Variants in CFLAR observed in about 807,000 individuals in gnomAD.
CFLAR encodes CASP8 and FADD-like apoptosis regulator.
A neutral mutation model predicts 51.1 loss-of-function variants in CFLAR; 14 were observed. The ratio of observed to expected loss-of-function variants is 0.27; its 90% CI spans 0.18 to 0.43. The LOEUF (loss-of-function observed/expected upper bound fraction) is 0.43, where lower values mean the gene tolerates loss of function less well. CFLAR is among the 20% of genes least tolerant of loss of function. The pLI, the probability that CFLAR is intolerant of heterozygous loss-of-function variation, is 1.00. For missense variants in CFLAR, 390 were observed against 566.5 expected (o/e 0.69, Z 3.16); for synonymous variants, 210 against 211.6 (o/e 0.99, Z 0.06).
At chr2:201,141,646 G>A in intron 5 of CFLAR, 1 of 1,269,782 alleles carries the variant, frequency 7.9e-7, no homozygotes, top group Non-Finnish European at 1.0e-6. Flanking sequence ...TTCAGCAAAA[G>A]TTATTTTGTT....
Position 201,164,013 on chromosome 2 carries a change from C to T in CFLAR, c.*40C>T. On this transcript the variant is annotated 3_prime_UTR_variant, in exon 10 of 10. Coordinates refer to ENST00000309955, the MANE Select transcript of CFLAR (RefSeq NM_003879.7). ...GGGCGTAGTGGCTCACACCTGTAAT[C>T]CCAGCACTTTGGGAGGCCAAGGAGG... The T allele has an allele frequency of 5.1e-6, 8 of 1,570,348 alleles. No individual in the cohort carries two copies. The highest frequency in any genetic ancestry group is 6.9e-6 in the Non-Finnish European group (8 of 1,154,044).
At position 201,118,596 on chromosome 2, in the gene CFLAR, C is replaced by G. The variant is rs553393011; in HGVS notation, c.-138+2115C>G. The G allele has an allele frequency of 6.6e-6, 1 of 152,390 alleles. No homozygotes were observed. Among genetic ancestry groups the G allele is most frequent in the African/African-American group, 2.4e-5 (1 of 41,568 alleles). The allele number at this position is 152,390 out of a possible 1,614,324, so 9.4% of individuals were successfully genotyped here. A position where few individuals can be genotyped will look rare whatever the true frequency, so the allele number is the denominator to read the frequency against. ...CCAGAGACACGCGAGTGGCCCTGTG[C>G]AAGTTTCAACTGCGCGGGGGGCGGG... On this transcript the variant is annotated intron_variant, in intron 1 of 9. Transcript: ENST00000309955. This position sits in a 1 kb window ranked among gnomAD's most constrained non-coding sequence, Gnocchi z 5.1.
In CFLAR at chr2:201,149,065, TG is replaced by T; in HGVS notation, c.711+14del. The T allele has an allele frequency of 6.4e-7, 1 of 1,568,838 alleles. No homozygotes were observed. The highest frequency in any genetic ancestry group is 1.1e-5 in the South Asian group (1 of 90,144). On this transcript the variant is annotated intron_variant, in intron 7 of 9. Transcript: ENST00000309955. The stretch of plus-strand genomic sequence containing the variant: ...TTTTTTGCCTCAGGTACAGAATAAA[TG>T]ATCTGATTTGGTATTATATGTACAT...
chr2:201,161,919 G>A (rs973602565), intron 9 of CFLAR, among the ~76,000 whole-genome samples: 1 of 151,322 alleles, frequency 6.6e-6, no homozygotes, highest in Non-Finnish European at 1.5e-5. Flanking sequence ...GCTAATTTTT[G>A]TATTTTTAGT....
intron 3 of CFLAR, among the ~76,000 whole-genome samples, chr2:201,134,384 C>T (rs966925147): frequency 2.6e-5 from 4 of 150,966 alleles, no homozygotes; most frequent in Non-Finnish European, 5.9e-5. Context: ...CTTGTAATCC[C>T]AGCACTTTGG....
chr2:201,172,299 T>C lies in CFLAR; in HGVS notation c.*8326T>C, dbSNP rs1387445342. 6.6e-6 allele frequency: 1 copy of C among 152,228 alleles called. No homozygotes were observed. Among genetic ancestry groups the C allele is most frequent in the East Asian group, 1.9e-4 (1 of 5,204 alleles). The allele number at this position is 152,228 out of a possible 1,614,324, so 9.4% of individuals were successfully genotyped here. A position where few individuals can be genotyped will look rare whatever the true frequency, so the allele number is the denominator to read the frequency against. On this transcript the variant is annotated 3_prime_UTR_variant, in exon 10 of 10. Coordinates refer to ENST00000309955, the MANE Select transcript of CFLAR (RefSeq NM_003879.7). ...TTTTGATACATTCATGACCTTACTT[T>C]AGCAAGCAATGAACGTGATGTAAAC...
At chr2:201,161,767 A>T in intron 9 of CFLAR, among the ~76,000 whole-genome samples, 4 of 110,456 alleles carry the variant, frequency 3.6e-5, no homozygotes, top group Non-Finnish European at 3.6e-5. Flanking sequence ...TTTTTTTGAG[A>T]CAGAGTTTCA....
At position 201,160,507 on chromosome 2, in the gene CFLAR, C is replaced by T; in HGVS notation, c.869C>T (p.Ser290Phe). ...KFLHLSMHGI[S>F]QILGQFACMP... ...TTGCATCTCAGTATGCATGGTATAT[C>T]CCAGATTCTTGGCCAATTTGCCTGT... Residue 290 changes from serine (S) to phenylalanine (F), a missense_variant, in exon 9 of 10, where the codon TCC (serine) becomes TTC (phenylalanine). Physicochemically the swap from Ser to Phe is radical, Grantham distance 155 (BLOSUM62 -2). Around this residue, in one of 2 missense-constraint regions of CFLAR, gnomAD observed 287 missense variants for 363.6 expected, o/e 0.79. Coordinates refer to ENST00000309955, the MANE Select transcript of CFLAR (RefSeq NM_003879.7). The T allele has an allele frequency of 1.2e-6, 2 of 1,613,918 alleles. No homozygotes were observed. The highest frequency in any genetic ancestry group is 1.7e-6 in the Non-Finnish European group (2 of 1,180,010).
At chr2:201,141,413 C>G in intron 5 of CFLAR, 1 of 1,558,840 alleles carries the variant, frequency 6.4e-7, no homozygotes, top group Non-Finnish European at 8.7e-7. Flanking sequence ...TCTGAAAATT[C>G]TTGGAAATTG....
intron 1 of CFLAR, among the ~76,000 whole-genome samples, chr2:201,120,023 C>CTTTTTT (rs34076189): frequency 9.1e-4 from 102 of 112,280 alleles, no homozygotes; most frequent in East Asian, 1.4e-3. Context: ...CTTTTCTTTT[C>CTTTTTT]TTTTTTTTTT....
chr2:201,161,571 G>A (rs866951470), intron 9 of CFLAR, among the ~76,000 whole-genome samples: 6 of 150,522 alleles, frequency 4.0e-5, no homozygotes, highest in African/African-American at 7.3e-5. Context: ...GTGCCACCAC[G>A]CCCTGGCTAA....
At chr2:201,141,753 G>A (rs1288408768) in intron 5 of CFLAR, among the ~76,000 whole-genome samples, 1 of 152,124 alleles carries the variant, frequency 6.6e-6, no homozygotes, top group Non-Finnish European at 1.5e-5. Flanking sequence ...CTTAGTACAA[G>A]GTATCGGAAT....
Position 201,169,702 on chromosome 2 carries a change from T to G in CFLAR, c.*5729T>G, listed in dbSNP as rs962671573. 2 of 152,026 alleles carry G rather than the reference T, an allele frequency of 1.3e-5. No individual in the cohort carries two copies. Among genetic ancestry groups the G allele is most frequent in the Admixed American group, 6.6e-5 (1 of 15,260 alleles). The allele number at this position is 152,026 out of a possible 1,614,324, so 9.4% of individuals were successfully genotyped here. A position where few individuals can be genotyped will look rare whatever the true frequency, so the allele number is the denominator to read the frequency against. ...AATGGGAGAACATTTTTGCAATCTA[T>G]CCATCTGACAAAGGTCTAATATCCA... On this transcript the variant is annotated 3_prime_UTR_variant, in exon 10 of 10. Transcript: ENST00000309955.
intron 5 of CFLAR, chr2:201,141,345 T>C: frequency 6.5e-7 from 1 of 1,549,028 alleles, no homozygotes; most frequent in Non-Finnish European, 8.7e-7. Flanking sequence ...TACACATATA[T>C]TTCATTTTTG....
rs2125731046 is a variant in CFLAR at position 201,138,060 on chromosome 2, T to C, written c.523+1953T>C. On this transcript the variant is annotated intron_variant, in intron 4 of 9. Coordinates refer to ENST00000309955, the MANE Select transcript of CFLAR (RefSeq NM_003879.7). This position sits in a 1 kb window ranked among gnomAD's most constrained non-coding sequence, Gnocchi z 4.0. ...GGGCTGACTGCAGGCTATCACTTCC[T>C]GGTTGATGTAGATGGAGCCGCGCAG... 2.8e-6 allele frequency: 2 copies of C among 726,502 alleles called. No individual in the cohort carries two copies. Among genetic ancestry groups the C allele is most frequent in the East Asian group, 5.0e-5 (2 of 39,684 alleles). The allele number at this position is 726,502 out of a possible 1,614,324, so 45.0% of individuals were successfully genotyped here.
chr2:201,145,513 C>T, intron 6 of CFLAR, 81 bp downstream of exon 6: 1 of 915,394 alleles, frequency 1.1e-6, no homozygotes, highest in Non-Finnish European at 1.8e-6. Context: ...TAGAGTTGGT[C>T]ATTTCCTTTA....
rs188393886 is a variant in CFLAR at position 201,163,377 on chromosome 2, T to C, written c.1305-458T>C. ...GCACTCTAATTACAATTTAGAATGA[T>C]GTTTCTGAGCCACCTGTCAAATGCA... is the stretch of plus-strand genomic sequence containing the variant. On this transcript the variant is annotated intron_variant, in intron 9 of 9. Transcript: ENST00000309955. The C allele has an allele frequency of 5.7e-5, 65 of 1,147,598 alleles. No homozygotes were observed. The East Asian group carries it at 3.2e-3, about 57-fold the overall frequency. The allele number at this position is 1,147,598 out of a possible 1,614,324, so 71.1% of individuals were successfully genotyped here.
At chr2:201,130,357 T>C (rs1313518053) in intron 2 of CFLAR, among the ~76,000 whole-genome samples, 32 of 122,426 alleles carry the variant, frequency 2.6e-4, no homozygotes, top group African/African-American at 3.4e-4. Context: ...TTCTTTCTTT[T>C]TTTTTTTTTT....
chr2:201,166,400 C>G lies in CFLAR; in HGVS notation c.*2427C>G, dbSNP rs1396456217. The G allele has an allele frequency of 1.3e-5, 1 of 74,860 alleles. No individual in the cohort carries two copies. Among genetic ancestry groups the G allele is most frequent in the Non-Finnish European group, 2.6e-5 (1 of 38,734 alleles). The allele number at this position is 74,860 out of a possible 1,614,324, so 4.6% of individuals were successfully genotyped here. Reference sequence around the variant, plus strand: ...TCGGGCGGAGGGGCTCCTCACTTCTCAGACGGGGCAGCTGCGGGCGGAGGG... The same window carrying G: ...TCGGGCGGAGGGGCTCCTCACTTCTGAGACGGGGCAGCTGCGGGCGGAGGG... On this transcript the variant is annotated 3_prime_UTR_variant, in exon 10 of 10. Coordinates refer to ENST00000309955, the MANE Select transcript of CFLAR (RefSeq NM_003879.7).
Sources: gnomAD v4.1 joint callset for allele counts (sites outside exome capture counted in the v4.1 genomes callset) on GRCh38, gnomAD v4.1.1 for gene constraint, gnomAD v4.1.1 regional missense constraint, Gnocchi (gnomAD v3.1) non-coding constraint, MANE v1.5 for transcripts, NCBI Gene and HGNC (gene_info 2026-07-23, HGNC 2026-07-21) for gene names.